The following AGMO variants were observed in gnomAD, a reference collection of about 807,000 sequenced individuals.
The protein encoded by AGMO is glyceryl-ether monooxygenase.
Under a neutral mutation model 60.2 loss-of-function variants are expected in AGMO, and 75 were observed. That is an observed-to-expected ratio of 1.25 (90% confidence interval 1.03 to 1.51). AGMO has a LOEUF of 1.51. AGMO is among the 40% of genes most tolerant of loss of function. The pLI is 0.00. For missense variants in AGMO, 763 were observed against 525.5 expected (o/e 1.45, Z -4.42); for synonymous variants, 261 against 177.1 (o/e 1.47, Z -3.76).
chr7:15,293,348 T>G (rs528142538), intron 12 of AGMO, among the ~76,000 whole-genome samples: 1 of 152,162 alleles, frequency 6.6e-6, no homozygotes, highest in African/African-American at 2.4e-5. Context: ...TAAACAGCAC[T>G]ATTTATCTCG....
the AGMO span, among the ~76,000 whole-genome samples, chr7:15,180,779 T>G: frequency 6.6e-6 from 1 of 152,200 alleles, no homozygotes. Context: ...CTGTTTTAGT[T>G]CATTTTCTGT....
At chr7:15,490,391 A>G (rs1415018889) in intron 3 of AGMO, among the ~76,000 whole-genome samples, 3 of 152,180 alleles carry the variant, frequency 2.0e-5, no homozygotes. Flanking sequence ...TAGTAGTTGC[A>G]TAAAGTAGTT....
intron 3 of AGMO, among the ~76,000 whole-genome samples, chr7:15,443,870 T>C (rs1474807476): frequency 3.9e-5 from 6 of 152,232 alleles, no homozygotes; most frequent in East Asian, 1.9e-4. Context: ...CTCAGCATTT[T>C]CATGGTCCCC....
intron 12 of AGMO, among the ~76,000 whole-genome samples, chr7:15,332,445 G>A (rs1310117941): frequency 6.6e-6 from 1 of 152,010 alleles, no homozygotes; most frequent in Admixed American, 6.6e-5. Flanking sequence ...TCAGACACTG[G>A]GTTCATGTAC....
the AGMO span, among the ~76,000 whole-genome samples, chr7:15,180,277 C>T: frequency 6.6e-6 from 1 of 152,094 alleles, no homozygotes; most frequent in African/African-American, 2.4e-5. Flanking sequence ...TATTGCTTTG[C>T]TCTAGCATCT....
At chr7:15,493,734 CT>C (rs1361662441) in intron 3 of AGMO, among the ~76,000 whole-genome samples, 3 of 152,140 alleles carry the variant, frequency 2.0e-5, no homozygotes, top group Non-Finnish European at 2.9e-5. Context: ...CCCTTTACCC[CT>C]GAATCCTTTA....
the AGMO span, among the ~76,000 whole-genome samples, chr7:15,170,256 T>C: frequency 1.3e-5 from 2 of 152,238 alleles, no homozygotes; most frequent in East Asian, 3.8e-4. Context: ...ACCTTACCTC[T>C]GGATCTCTTG....
chr7:15,278,143 G>A (rs920024209), intron 12 of AGMO, among the ~76,000 whole-genome samples: 5 of 152,204 alleles, frequency 3.3e-5, no homozygotes, highest in African/African-American at 4.8e-5. Flanking sequence ...CTACACAGGA[G>A]GGGTTTCAGG....
chr7:15,371,608 G>C (rs1188972623), intron 10 of AGMO, among the ~76,000 whole-genome samples: 1 of 152,050 alleles, frequency 6.6e-6, no homozygotes, highest in Non-Finnish European at 1.5e-5. Context: ...TGTTGACCAG[G>C]CTTGGTCTCG....
At chr7:15,244,971 A>G (rs1024880597) in intron 12 of AGMO, among the ~76,000 whole-genome samples, 15 of 152,110 alleles carry the variant, frequency 9.9e-5, no homozygotes, top group African/African-American at 3.6e-4. Flanking sequence ...TCATTCTTAA[A>G]GAGATAAATG....
At chr7:15,475,204 A>C (rs12670245) in intron 3 of AGMO, among the ~76,000 whole-genome samples, 22,904 of 152,170 alleles carry the variant, frequency 0.15, 2,698 homozygotes, top group East Asian at 0.6. Context: ...ATATACCCAA[A>C]GGATTATAAA....
the AGMO span, among the ~76,000 whole-genome samples, chr7:15,180,065 C>T: frequency 6.6e-6 from 1 of 152,142 alleles, no homozygotes; most frequent in Non-Finnish European, 1.5e-5. Context: ...CCTCCAAGAT[C>T]TTTGAAATGC....
Position 15,327,747 on chromosome 7 carries a change from T to C in AGMO, c.1263+37767A>G, listed in dbSNP as rs1022595581. Among the ~76,000 whole-genome samples the C allele has an allele frequency of 2.9e-4, 32 of 111,898 alleles. 1 individual carries two copies. The highest frequency in any genetic ancestry group is 4.7e-3 in the Middle Eastern group (1 of 212). 73.4% of individuals were successfully genotyped at this position (111,898 alleles called of 152,430 possible). A position where few individuals can be genotyped will look rare whatever the true frequency, so the allele number is the denominator to read the frequency against. ...TGATAAACTGATTTCTTTCTTTTTT[T>C]TTTTTTTTTTTTTTTTTTGAGACAA... On this transcript the variant is annotated intron_variant, in intron 12 of 12. Transcript: ENST00000342526.
intron 12 of AGMO, among the ~76,000 whole-genome samples, chr7:15,332,000 C>T (rs991707613): frequency 3.3e-5 from 5 of 151,942 alleles, no homozygotes; most frequent in African/African-American, 4.8e-5. Flanking sequence ...TGCCCCAAAA[C>T]CTCCAATGGG....
the AGMO span, among the ~76,000 whole-genome samples, chr7:15,150,520 T>C: frequency 1.3e-5 from 2 of 152,094 alleles, no homozygotes; most frequent in Non-Finnish European, 2.9e-5. Flanking sequence ...TAAAAGGATG[T>C]TGAATTTTAT....
At chr7:15,512,820 T>C (rs1783709196) in intron 3 of AGMO, among the ~76,000 whole-genome samples, 1 of 152,118 alleles carries the variant, frequency 6.6e-6, no homozygotes, top group Admixed American at 6.5e-5. Context: ...TTATTCTCTA[T>C]GTTTGCTATC....
At chr7:15,236,627 T>C (rs1782429202) in intron 12 of AGMO, among the ~76,000 whole-genome samples, 2 of 152,254 alleles carry the variant, frequency 1.3e-5, no homozygotes, top group South Asian at 4.1e-4. Flanking sequence ...CAGTCATCGA[T>C]GATATTATTG....
chr7:15,376,997 A>G (rs568954701), intron 10 of AGMO, among the ~76,000 whole-genome samples: 32 of 152,242 alleles, frequency 2.1e-4, no homozygotes, highest in African/African-American at 6.3e-4. Context: ...GTAAGTATTT[A>G]TCTTCTCTAA....
intron 12 of AGMO, among the ~76,000 whole-genome samples, chr7:15,361,556 G>T (rs1782761829): frequency 1.7e-5 from 1 of 60,584 alleles, no homozygotes; most frequent in African/African-American, 8.5e-5. Flanking sequence ...AAAAAAAAAG[G>T]TTTTGAGATT....
Sources: gnomAD v4.1 joint callset for allele counts (sites outside exome capture counted in the v4.1 genomes callset) on GRCh38, gnomAD v4.1.1 for gene constraint, MANE v1.5 for transcripts, NCBI Gene and HGNC (gene_info 2026-07-23, HGNC 2026-07-21) for gene names.